The following FMN2 variants were observed in gnomAD, a reference collection of about 807,000 sequenced individuals.
FMN2 encodes the protein formin-2.
Under a neutral mutation model 142.3 loss-of-function variants are expected in FMN2, and 51 were observed. The observed-to-expected ratio is 0.36, with a 90% CI of 0.29 to 0.45. The LOEUF is 0.45. Among genes scored for constraint, FMN2 ranks in the 20% least tolerant of loss-of-function variants. The pLI, the probability that FMN2 is intolerant of heterozygous loss-of-function variation, is 1.00. For synonymous variants in FMN2, 882 were observed against 869.8 expected (o/e 1.01, Z -0.25); for missense variants, 1,936 against 2,122.8 (o/e 0.91, Z 1.73).
intron 15 of FMN2, among the ~76,000 whole-genome samples, chr1:240,398,234 C>T (rs1448132262): frequency 2.0e-5 from 3 of 152,106 alleles, no homozygotes; most frequent in Non-Finnish European, 4.4e-5. Context: ...AAACTCTTGG[C>T]CTCAAGTGGT....
chr1:240,474,066 A>G, intron 17 of FMN2, 62 bp from the exon 18 acceptor site: 1 of 1,444,170 alleles, frequency 6.9e-7, no homozygotes. Context: ...GCTACTCTAA[A>G]TTCTTTCCAT....
chr1:240,159,252 G>A (rs988007438), intron 2 of FMN2, among the ~76,000 whole-genome samples: 5 of 151,632 alleles, frequency 3.3e-5, no homozygotes, highest in Admixed American at 3.3e-4. Flanking sequence ...TCTCTGATAC[G>A]CTGGGGTTTA....
intron 13 of FMN2, among the ~76,000 whole-genome samples, chr1:240,347,186 G>T (rs1671934298): frequency 6.6e-6 from 1 of 152,176 alleles, no homozygotes; most frequent in South Asian, 2.1e-4. Flanking sequence ...ACACGTTGAA[G>T]GATGTTAAAT....
Position 240,170,905 on chromosome 1 carries a change from T to A in FMN2, c.1783-7016T>A, listed in dbSNP as rs1293942554. The A allele has an allele frequency of 3.8e-6, 3 of 796,830 alleles. No individual in the cohort carries two copies. In the East Asian group the frequency reaches 7.3e-5, roughly 19 times the overall value. The allele number at this position is 796,830 out of a possible 1,614,324, so 49.4% of individuals were successfully genotyped here. On this transcript the variant is annotated intron_variant, in intron 2 of 17. Coordinates refer to ENST00000319653, the MANE Select transcript of FMN2 (RefSeq NM_020066.5). ...CACTGAATGTATGAACCGTCAGGATTTTAGTCAACCCATCCAGGAAGTGCT... is the reference window on the plus strand; with the variant it reads ...CACTGAATGTATGAACCGTCAGGATATTAGTCAACCCATCCAGGAAGTGCT...
chr1:240,184,197 C>A lies in FMN2; in HGVS notation c.1931-4010C>A, dbSNP rs138288248. 8.6e-3 allele frequency among the ~76,000 whole-genome samples: 1,216 copies of A among 141,940 alleles called. 26 individuals carry two copies. Among genetic ancestry groups the A allele is most frequent in the African/African-American group, 0.03 (1,165 of 38,212 alleles). 93.1% of individuals were successfully genotyped at this position (141,940 alleles called of 152,430 possible). ...GGAGTCCAGAATTTTAGATTATGCT[C>A]GGAATTTTGAGGTAACTTTTTAAAA... is the stretch of plus-strand genomic sequence containing the variant. On this transcript the variant is annotated intron_variant, in intron 3 of 17. Coordinates refer to ENST00000319653, the MANE Select transcript of FMN2 (RefSeq NM_020066.5).
chr1:240,240,020 G>A (rs1460801486), intron 6 of FMN2, among the ~76,000 whole-genome samples: 1 of 152,130 alleles, frequency 6.6e-6, no homozygotes, highest in Non-Finnish European at 1.5e-5. Flanking sequence ...ACCGTCTAAG[G>A]TTTGCTTTCT....
At chr1:240,228,322 A>T (rs150444656) in intron 6 of FMN2, among the ~76,000 whole-genome samples, 1 of 71,108 alleles carries the variant, frequency 1.4e-5, no homozygotes, top group African/African-American at 8.9e-5. Context: ...AAAAAAAAAA[A>T]AAAAAAAAAA....
chr1:240,210,157 T>A (rs921938717), intron 5 of FMN2, among the ~76,000 whole-genome samples: 58 of 152,194 alleles, frequency 3.8e-4, no homozygotes, highest in African/African-American at 1.3e-3. Context: ...CTGGTGGTAC[T>A]TTATACATTT....
At chr1:240,379,918 AG>A (rs1318104985) in intron 14 of FMN2, among the ~76,000 whole-genome samples, 2 of 152,196 alleles carry the variant, frequency 1.3e-5, no homozygotes, top group African/African-American at 4.8e-5. Flanking sequence ...ACAATTCATC[AG>A]GTCAACAGGA....
At chr1:240,436,896 G>A (rs557061568) in intron 15 of FMN2, among the ~76,000 whole-genome samples, 15 of 152,242 alleles carry the variant, frequency 9.9e-5, no homozygotes, top group African/African-American at 3.6e-4. Context: ...TTTTTGTGGA[G>A]CAGAAATAGT....
intron 13 of FMN2, among the ~76,000 whole-genome samples, chr1:240,345,072 T>G (rs2103033208): frequency 6.6e-6 from 1 of 152,326 alleles, no homozygotes; most frequent in Non-Finnish European, 1.5e-5. Flanking sequence ...GAGTCATTTC[T>G]TTTTCCATTT....
intron 2 of FMN2, among the ~76,000 whole-genome samples, chr1:240,140,701 T>C: frequency 6.6e-6 from 1 of 152,140 alleles, no homozygotes; most frequent in South Asian, 2.1e-4. Context: ...TTTGCAGAAG[T>C]TTTCAAGGTA....
intron 15 of FMN2, among the ~76,000 whole-genome samples, chr1:240,394,019 A>G (rs1673694466): frequency 6.6e-6 from 1 of 152,166 alleles, no homozygotes; most frequent in South Asian, 2.1e-4. Context: ...AGGGATTTAT[A>G]TAGCAGGGAA....
intron 14 of FMN2, among the ~76,000 whole-genome samples, chr1:240,378,351 ATGT>A (rs1572247509): frequency 1.3e-5 from 2 of 152,064 alleles, no homozygotes; most frequent in East Asian, 3.9e-4. Flanking sequence ...GGGTTTCACC[ATGT>A]TGGCCAGGCT....
intron 8 of FMN2, 132 bp from the exon 9 acceptor site, chr1:240,328,944 A>G (rs1671287943): frequency 3.8e-6 from 3 of 780,026 alleles, no homozygotes; most frequent in East Asian, 2.7e-5. Context: ...CTATATACAG[A>G]TGCTAAGAAA....
chr1:240,456,111 A>T (rs1240549600), intron 16 of FMN2, among the ~76,000 whole-genome samples: 1 of 152,006 alleles, frequency 6.6e-6, no homozygotes, highest in African/African-American at 2.4e-5. Flanking sequence ...CTTCTCTAAC[A>T]GGAATAATGG....
chr1:240,413,149 A>AAG (rs1674469893), intron 15 of FMN2, among the ~76,000 whole-genome samples: 4 of 135,562 alleles, frequency 3.0e-5, no homozygotes, highest in African/African-American at 1.1e-4. Context: ...AAAAAAAAAA[A>AAG]GCAGCAAATA....
At chr1:240,156,259 C>G (rs1299693002) in intron 2 of FMN2, among the ~76,000 whole-genome samples, 1 of 152,098 alleles carries the variant, frequency 6.6e-6, no homozygotes, top group Non-Finnish European at 1.5e-5. Context: ...ACAACAACAA[C>G]AGCAAGAAGT....
chr1:240,428,028 G>A (rs994971542), intron 15 of FMN2, among the ~76,000 whole-genome samples: 16 of 151,998 alleles, frequency 1.1e-4, no homozygotes, highest in Non-Finnish European at 2.1e-4. Flanking sequence ...ATTCAATTGT[G>A]TGTTTCTTAT....
Sources: allele counts gnomAD v4.1 joint callset (sites outside exome capture counted in the v4.1 genomes callset), GRCh38; gene constraint gnomAD v4.1.1; transcripts MANE v1.5; gene names NCBI Gene and HGNC (gene_info 2026-07-23, HGNC 2026-07-21).